GRIA1: variants seen among roughly 807,000 people sequenced by gnomAD.
GRIA1 encodes glutamate ionotropic receptor AMPA type subunit 1, also known as glutamate receptor 1.
A neutral mutation model predicts 99.2 loss-of-function variants in GRIA1; 31 were observed. The ratio of observed to expected loss-of-function variants is 0.31; its 90% CI spans 0.23 to 0.42. The LOEUF is 0.42. Among genes scored for constraint, GRIA1 ranks in the 10% least tolerant of loss-of-function variants. GRIA1 has a pLI of 1.00. For missense variants in GRIA1, 782 were observed against 1,157.5 expected, an observed-to-expected ratio of 0.68 and a Z score of 4.71; for synonymous variants, 438 against 432.4, an observed-to-expected ratio of 1.01 and a Z score of -0.16.
At chr5:153,719,503 C>G (rs921929363) in intron 11 of GRIA1, among the ~76,000 whole-genome samples, 6 of 151,892 alleles carry the variant, frequency 4.0e-5, no homozygotes, top group African/African-American at 1.5e-4. Context: ...GTCTGGCAGC[C>G]GAGGCTTTTG....
rs1012797214 is a variant in GRIA1, at chr5:153,589,378, G to T, written c.221-57550G>T. On this transcript the variant is annotated intron_variant, in intron 2 of 15. Transcript: ENST00000285900. ...TTTATACATTTCAAAGCTCCTGATG[G>T]ATACTTTTCATTTTAATTAAGTACA... Among the ~76,000 whole-genome samples, 13 of 152,196 alleles carry T rather than the reference G, an allele frequency of 8.5e-5. No homozygotes were observed. The East Asian group carries it at 2.5e-3, about 29-fold the overall frequency.
intron 8 of GRIA1, among the ~76,000 whole-genome samples, chr5:153,696,403 C>G (rs912186571): frequency 2.6e-5 from 4 of 152,184 alleles, no homozygotes; most frequent in Admixed American, 1.3e-4. Context: ...GAGAGATTGT[C>G]AGGGTTCCAG....
chr5:153,760,170 A>G (rs962067282), intron 11 of GRIA1, among the ~76,000 whole-genome samples: 1 of 152,128 alleles, frequency 6.6e-6, no homozygotes, highest in African/African-American at 2.4e-5. Context: ...CTTCTATTCA[A>G]CGTTGTACTG....
At chr5:153,664,306 A>G (rs1755588578) in intron 5 of GRIA1, among the ~76,000 whole-genome samples, 1 of 152,182 alleles carries the variant, frequency 6.6e-6, no homozygotes, top group Non-Finnish European at 1.5e-5. Context: ...ATGTTGCAGC[A>G]AAGGTTACTG....
At chr5:153,726,458 T>A (rs2149549799) in intron 11 of GRIA1, among the ~76,000 whole-genome samples, 1 of 149,442 alleles carries the variant, frequency 6.7e-6, no homozygotes, top group South Asian at 2.3e-4. Flanking sequence ...AGGAGCTGGT[T>A]TTTTGAAAGG....
intron 11 of GRIA1, among the ~76,000 whole-genome samples, chr5:153,741,709 C>A (rs1399161284): frequency 6.6e-6 from 1 of 152,010 alleles, no homozygotes; most frequent in Non-Finnish European, 1.5e-5. Flanking sequence ...TAGTCAAATG[C>A]ATAGAATTAA....
intron 2 of GRIA1, among the ~76,000 whole-genome samples, chr5:153,527,212 T>G (rs479946): frequency 0.35 from 53,699 of 151,982 alleles, 9,869 homozygotes; most frequent in African/African-American, 0.46. Flanking sequence ...AAATTTCCAA[T>G]AGCTAAATTC....
intron 2 of GRIA1, among the ~76,000 whole-genome samples, chr5:153,635,848 C>A (rs991243589): frequency 2.0e-4 from 31 of 152,186 alleles, no homozygotes; most frequent in African/African-American, 7.5e-4. Context: ...GTCTCCTCTG[C>A]CATCTCATCA....
chr5:153,650,286 AT>A, intron 3 of GRIA1, 43 bp from the exon 4 acceptor site: 1 of 1,550,272 alleles, frequency 6.5e-7, no homozygotes, highest in Non-Finnish European at 8.8e-7. Flanking sequence ...GTGCCCACAA[AT>A]CCTGACTGTC....
intron 13 of GRIA1, among the ~76,000 whole-genome samples, chr5:153,791,968 G>T (rs779987436): frequency 8.6e-5 from 13 of 151,432 alleles, no homozygotes; most frequent in Non-Finnish European, 1.8e-4. Flanking sequence ...CTCCCACACT[G>T]CATGGACTAT....
intron 2 of GRIA1, among the ~76,000 whole-genome samples, chr5:153,500,610 TACACACACACACACAC>T (rs35636352): frequency 7.9e-4 from 95 of 120,168 alleles, no homozygotes; most frequent in African/African-American, 2.2e-3. Flanking sequence ...CCCTCTTACA[TACACACACACACACAC>T]ACACACACAC....
At chr5:153,675,266 G>T (rs1341619669) in intron 6 of GRIA1, among the ~76,000 whole-genome samples, 1 of 152,162 alleles carries the variant, frequency 6.6e-6, no homozygotes, top group Admixed American at 6.5e-5. Context: ...GAGCTTCTTT[G>T]TGTAGTGAGG....
chr5:153,622,439 T>G (rs1767142966), intron 2 of GRIA1, among the ~76,000 whole-genome samples: 1 of 152,162 alleles, frequency 6.6e-6, no homozygotes, highest in Admixed American at 6.6e-5. Context: ...CAAATAGGCC[T>G]CTTAGGTTAA....
intron 8 of GRIA1, 120 bp from the exon 9 acceptor site, chr5:153,697,924 G>A (rs12519746): frequency 0.4 from 204,421 of 513,770 alleles, 42,260 homozygotes; most frequent in Admixed American, 0.47. Flanking sequence ...AGAGCTCGGT[G>A]TGTCCAATTC....
chr5:153,595,336 A>G (rs1025004625), intron 2 of GRIA1, among the ~76,000 whole-genome samples: 29 of 152,256 alleles, frequency 1.9e-4, no homozygotes, highest in African/African-American at 6.7e-4. Flanking sequence ...TTTCTCCCCT[A>G]TGATTAAAAT....
At chr5:153,656,585 C>A (rs1052618435) in intron 5 of GRIA1, among the ~76,000 whole-genome samples, 1 of 151,708 alleles carries the variant, frequency 6.6e-6, no homozygotes, top group Admixed American at 6.6e-5. Context: ...TTTTCTGGGT[C>A]ATGTTTTGTA....
intron 11 of GRIA1, among the ~76,000 whole-genome samples, chr5:153,760,115 T>C (rs750486279): frequency 6.6e-6 from 1 of 152,062 alleles, no homozygotes; most frequent in Non-Finnish European, 1.5e-5. Flanking sequence ...GTTGAAAGCT[T>C]TTCCCCTAAG....
intron 2 of GRIA1, among the ~76,000 whole-genome samples, chr5:153,506,090 C>T (rs201002616): frequency 1.3e-5 from 2 of 152,138 alleles, no homozygotes; most frequent in Non-Finnish European, 2.9e-5. Flanking sequence ...TGTCTTAGGG[C>T]AGATACTAGC....
chr5:153,684,753 G>A (rs1757227893), intron 7 of GRIA1, among the ~76,000 whole-genome samples: 1 of 152,194 alleles, frequency 6.6e-6, no homozygotes, highest in Admixed American at 6.5e-5. Context: ...TTTATTCTTT[G>A]TAGTAGAATC....
Sources: allele counts gnomAD v4.1 joint callset (sites outside exome capture counted in the v4.1 genomes callset), GRCh38; gene constraint gnomAD v4.1.1; transcripts MANE v1.5; gene names NCBI Gene and HGNC (gene_info 2026-07-23, HGNC 2026-07-21).